AKR1C8: variants seen among roughly 807,000 people sequenced by gnomAD.
AKR1C8 encodes the protein aldo-keto reductase family 1 member C8.
At chr10:5,168,586 T>G in the AKR1C8 span, among the ~76,000 whole-genome samples, 1 of 152,154 alleles carries the variant, frequency 6.6e-6, no homozygotes, top group African/African-American at 2.4e-5. Flanking sequence ...CTAACTTAAG[T>G]GCTTGATCTT....
At chr10:5,131,645 C>T in the AKR1C8 span, among the ~76,000 whole-genome samples, 2 of 151,320 alleles carry the variant, frequency 1.3e-5, no homozygotes, top group African/African-American at 4.8e-5. Flanking sequence ...CACCTTACTC[C>T]TGCAAGAATG....
chr10:5,167,520 A>C, the AKR1C8 span, among the ~76,000 whole-genome samples: 79,893 of 151,924 alleles, frequency 0.53, 22,018 homozygotes, highest in Non-Finnish European at 0.6. Flanking sequence ...CATTCTCAGC[A>C]AACTATCGCA....
chr10:5,125,615 C>T, the AKR1C8 span, among the ~76,000 whole-genome samples: 1 of 152,174 alleles, frequency 6.6e-6, no homozygotes, highest in Non-Finnish European at 1.5e-5. Flanking sequence ...TCTCAGCTGT[C>T]CCTGTTGCCT....
At chr10:5,152,493 C>A in the AKR1C8 span, among the ~76,000 whole-genome samples, 1 of 152,150 alleles carries the variant, frequency 6.6e-6, no homozygotes, top group Non-Finnish European at 1.5e-5. Context: ...GATCAAACTA[C>A]AACTCAGAAA....
the AKR1C8 span, among the ~76,000 whole-genome samples, chr10:5,120,548 C>G: frequency 6.6e-6 from 1 of 151,940 alleles, no homozygotes; most frequent in East Asian, 1.9e-4. Context: ...TAATGAGTAC[C>G]TTTTCAGTAG....
chr10:5,162,852 C>T, the AKR1C8 span: 2 of 532,754 alleles, frequency 3.8e-6, no homozygotes. Context: ...AGAACTTTCA[C>T]CTTGATGGTG....
At chr10:5,154,461 C>G in the AKR1C8 span, 1 of 274,306 alleles carries the variant, frequency 3.6e-6, no homozygotes, top group South Asian at 3.9e-5. Flanking sequence ...TTCTTTTTTA[C>G]AATTTGTTCT....
chr10:5,167,981 G>C, the AKR1C8 span, among the ~76,000 whole-genome samples: 1 of 151,984 alleles, frequency 6.6e-6, no homozygotes, highest in East Asian at 1.9e-4. Context: ...GAAATAGTCA[G>C]ATTTCCTTGT....
chr10:5,136,000 G>C, the AKR1C8 span, among the ~76,000 whole-genome samples: 1 of 152,100 alleles, frequency 6.6e-6, no homozygotes, highest in African/African-American at 2.4e-5. Flanking sequence ...GTTTATTGGA[G>C]TATTAATTAA....
chr10:5,138,339 A>C, the AKR1C8 span, among the ~76,000 whole-genome samples: 188 of 152,210 alleles, frequency 1.2e-3, 1 homozygote, highest in African/African-American at 4.3e-3. Context: ...CTAGGAAAAG[A>C]ATTTAGTGAT....
chr10:5,142,404 C>T, the AKR1C8 span, among the ~76,000 whole-genome samples: 1,351 of 152,258 alleles, frequency 8.9e-3, 16 homozygotes, highest in African/African-American at 0.028. Context: ...TTTGTATTCA[C>T]AACTTGGCTA....
chr10:5,174,615 C>T, the AKR1C8 span, among the ~76,000 whole-genome samples: 2 of 151,884 alleles, frequency 1.3e-5, no homozygotes, highest in South Asian at 2.1e-4. Context: ...AGACTTTATG[C>T]CTAACATATC....
chr10:5,173,253 A>G, the AKR1C8 span, among the ~76,000 whole-genome samples: 1 of 152,228 alleles, frequency 6.6e-6, no homozygotes, highest in Non-Finnish European at 1.5e-5. Flanking sequence ...AGAGAAAAAT[A>G]TAAAAGCCTT....
the AKR1C8 span, among the ~76,000 whole-genome samples, chr10:5,177,920 C>CA: frequency 1.1e-4 from 17 of 151,958 alleles, no homozygotes; most frequent in African/African-American, 3.9e-4. Flanking sequence ...TTGATCCTTT[C>CA]AAAAAAACAG....
At chr10:5,147,073 C>T in the AKR1C8 span, among the ~76,000 whole-genome samples, 1 of 152,074 alleles carries the variant, frequency 6.6e-6, no homozygotes, top group Non-Finnish European at 1.5e-5. Context: ...TGGTGAGGGC[C>T]CCAGGCTGCT....
the AKR1C8 span, among the ~76,000 whole-genome samples, chr10:5,147,069 G>A: frequency 3.9e-5 from 6 of 152,150 alleles, no homozygotes; most frequent in Non-Finnish European, 8.8e-5. Flanking sequence ...CCTCTGGTGA[G>A]GGCCCCAGGC....
the AKR1C8 span, among the ~76,000 whole-genome samples, chr10:5,160,296 C>A: frequency 1.3e-5 from 2 of 151,914 alleles, no homozygotes; most frequent in African/African-American, 4.8e-5. Flanking sequence ...AGTTCCTTAA[C>A]AAATTATACC....
the AKR1C8 span, among the ~76,000 whole-genome samples, chr10:5,143,757 A>ATC: frequency 6.7e-6 from 1 of 148,552 alleles, no homozygotes; most frequent in East Asian, 2.0e-4. Context: ...ATCTATATAT[A>ATC]TTTTAGATTT....
chr10:5,123,406 G>T, the AKR1C8 span: 5 of 359,562 alleles, frequency 1.4e-5, no homozygotes. Flanking sequence ...AAATAACTGG[G>T]TCCTCCAAAA....
Sources: allele counts gnomAD v4.1 joint callset (sites outside exome capture counted in the v4.1 genomes callset), GRCh38; gene constraint gnomAD v4.1.1; transcripts MANE v1.5; gene names NCBI Gene and HGNC (gene_info 2026-07-23, HGNC 2026-07-21).